AKR1A1: variants seen among roughly 807,000 people sequenced by gnomAD.
AKR1A1 encodes the protein HEL-S-165mP.
A neutral mutation model predicts 39.2 loss-of-function variants in AKR1A1; 26 were observed. That is an observed-to-expected ratio of 0.66 (90% CI 0.49 to 0.92). The LOEUF is 0.92. Ranked by LOEUF, AKR1A1 falls within the 40% of genes least tolerant of loss-of-function variation. The pLI, the probability that AKR1A1 is intolerant of heterozygous loss-of-function variation, is 0.00. For synonymous variants in AKR1A1, 141 were observed against 155.5 expected, an observed-to-expected ratio of 0.91 and a Z score of 0.69; for missense variants, 378 against 406.5, an observed-to-expected ratio of 0.93 and a Z score of 0.60.
chr1:45,568,461 G>T (rs1644373838), intron 5 of AKR1A1, 24 bp from the exon 6 acceptor site: 2 of 1,612,800 alleles, frequency 1.2e-6, no homozygotes, highest in Non-Finnish European at 1.7e-6. Context: ...CCACTTCATG[G>T]TGATGGGTTA....
Position 45,565,767 on chromosome 1 carries a change from G to T in AKR1A1, c.85-802G>T, listed in dbSNP as rs143682608. Among the ~76,000 whole-genome samples the T allele has an allele frequency of 1.7e-4, 26 of 151,666 alleles. 1 individual carries two copies. Among genetic ancestry groups the T allele is most frequent in the Admixed American group, 1.3e-3 (20 of 15,260 alleles). On this transcript the variant is annotated intron_variant, in intron 2 of 8. Transcript: ENST00000351829. ...TGGGATTATAGGCGTGAGCCACCAC[G>T]CCTGGCCTTAATTTTTTTTTTTTTT...
intron 1 of AKR1A1, among the ~76,000 whole-genome samples, chr1:45,560,725 CTTT>C (rs565611681): frequency 1.4e-4 from 16 of 114,316 alleles, no homozygotes; most frequent in Admixed American, 1.9e-4. Context: ...CTCTGCAGTT[CTTT>C]TTTTTTTTTT....
intron 4 of AKR1A1, chr1:45,567,263 C>A: frequency 2.1e-6 from 1 of 480,858 alleles, no homozygotes; most frequent in Non-Finnish European, 3.7e-6. Flanking sequence ...CACCTGTAAC[C>A]CTCCTGCTCC....
intron 5 of AKR1A1, 146 bp downstream of exon 5, chr1:45,568,323 CA>C (rs1644372368): frequency 1.6e-6 from 2 of 1,252,914 alleles, no homozygotes; most frequent in Admixed American, 2.2e-5. Flanking sequence ...GGCATTGAAG[CA>C]GTGGGAGAGA....
At chr1:45,554,572 C>T (rs1644176039) in intron 1 of AKR1A1, among the ~76,000 whole-genome samples, 1 of 152,126 alleles carries the variant, frequency 6.6e-6, no homozygotes, top group African/African-American at 2.4e-5. Context: ...GAGTGAGACC[C>T]TGTCTCAAAA....
At chr1:45,558,774 G>A (rs989865154) in intron 1 of AKR1A1, among the ~76,000 whole-genome samples, 1 of 152,060 alleles carries the variant, frequency 6.6e-6, no homozygotes, top group Non-Finnish European at 1.5e-5. Flanking sequence ...CAGGTGATCC[G>A]TCGCATCGGC....
intron 1 of AKR1A1, among the ~76,000 whole-genome samples, chr1:45,558,279 A>G (rs1644233458): frequency 6.6e-6 from 1 of 151,626 alleles, no homozygotes; most frequent in Admixed American, 6.6e-5. Flanking sequence ...CCCAGACTGG[A>G]GTGCAGTGGC....
intron 2 of AKR1A1, among the ~76,000 whole-genome samples, chr1:45,562,329 A>C (rs1014729735): frequency 6.7e-6 from 1 of 150,074 alleles, no homozygotes; most frequent in Non-Finnish European, 1.5e-5. Context: ...AAGGTCAGCA[A>C]ATTTTTTTTT....
At chr1:45,561,617 T>C (rs1644278400) in intron 1 of AKR1A1, among the ~76,000 whole-genome samples, 172 bp from the exon 2 acceptor site, 1 of 152,142 alleles carries the variant, frequency 6.6e-6, no homozygotes. Flanking sequence ...TTGACCCAAC[T>C]GGTCTTGAAC....
intron 5 of AKR1A1, 126 bp downstream of exon 5, chr1:45,568,303 C>T: frequency 7.8e-6 from 10 of 1,289,504 alleles, no homozygotes; most frequent in Non-Finnish European, 1.1e-5. Flanking sequence ...AAGTCCTCTG[C>T]ATAAAGGTGG....
chr1:45,567,565 C>A (rs548967998), intron 4 of AKR1A1: 5 of 159,488 alleles, frequency 3.1e-5, no homozygotes, highest in Non-Finnish European at 5.5e-5. Context: ...CGGTGGCTCA[C>A]GCCTGTAATC....
At chr1:45,561,526 C>G (rs1482435968) in intron 1 of AKR1A1, among the ~76,000 whole-genome samples, 2 of 152,110 alleles carry the variant, frequency 1.3e-5, no homozygotes, top group African/African-American at 4.8e-5. Flanking sequence ...GCCTCAGCCC[C>G]CCGAGCAGCT....
chr1:45,565,462 TTTG>T (rs886476757), intron 2 of AKR1A1, among the ~76,000 whole-genome samples: 13 of 150,462 alleles, frequency 8.6e-5, no homozygotes, highest in African/African-American at 2.0e-4. Context: ...TTTTCAATTT[TTTG>T]TTGTTATTTT....
intron 1 of AKR1A1, among the ~76,000 whole-genome samples, chr1:45,553,559 A>G (rs1042748668): frequency 3.3e-5 from 5 of 152,220 alleles, no homozygotes; most frequent in African/African-American, 7.2e-5. Flanking sequence ...CATTATTGCA[A>G]TCTTAGGTCT....
In AKR1A1 at chr1:45,568,466, G is replaced by GGGTT; in HGVS notation, c.553-18_553-15dup. ...CTGGGTGTCACCACTTCATGGTGAT[G>GGGTT]GGTTATTCTTTGGCTCAGGTGGAAT... is the stretch of plus-strand genomic sequence containing the variant. On this transcript the variant is annotated intron_variant, in intron 5 of 8. Coordinates refer to ENST00000351829, the MANE Select transcript of AKR1A1 (RefSeq NM_153326.3). 6.2e-7 allele frequency: 1 copy of GGGTT among 1,613,134 alleles called. No homozygotes were observed. The highest frequency in any genetic ancestry group is 8.5e-7 in the Non-Finnish European group (1 of 1,179,868).
chr1:45,561,166 T>G (rs1272091448), intron 1 of AKR1A1, among the ~76,000 whole-genome samples: 2 of 152,192 alleles, frequency 1.3e-5, no homozygotes, highest in African/African-American at 4.8e-5. Flanking sequence ...TGAGACCTTA[T>G]TTAGTCAAGA....
chr1:45,562,400 G>A (rs1028669153), intron 2 of AKR1A1, among the ~76,000 whole-genome samples: 3 of 150,102 alleles, frequency 2.0e-5, no homozygotes, highest in Non-Finnish European at 4.4e-5. Context: ...GGAGTGCAGT[G>A]GCACAATCTT....
chr1:45,568,539 C>T lies in AKR1A1; in HGVS notation c.607C>T (p.Arg203Cys), dbSNP rs375160193. 44 of 1,613,848 alleles carry T rather than the reference C, an allele frequency of 2.7e-5. No individual in the cohort carries two copies. The highest frequency in any genetic ancestry group is 1.1e-4 in the African/African-American group (8 of 74,912). ...QNELIAHCQA[R>C]GLEVTAYSPL... Reference sequence around the variant, plus strand: ...TGAGCTAATTGCCCACTGCCAAGCACGTGGCCTGGAGGTAACTGCTTATAG... The same window carrying T: ...TGAGCTAATTGCCCACTGCCAAGCATGTGGCCTGGAGGTAACTGCTTATAG... Residue 203 changes from arginine to cysteine, a missense_variant, in exon 6 of 9, where the codon CGT becomes TGT. Coordinates refer to ENST00000351829, the MANE Select transcript of AKR1A1 (RefSeq NM_153326.3).
At chr1:45,556,422 A>C (rs1287595450) in intron 1 of AKR1A1, among the ~76,000 whole-genome samples, 2 of 152,076 alleles carry the variant, frequency 1.3e-5, no homozygotes, top group African/African-American at 4.8e-5. Flanking sequence ...TCTACTAAAA[A>C]TACAAAAAAT....
Sources: allele counts gnomAD v4.1 joint callset (sites outside exome capture counted in the v4.1 genomes callset), GRCh38; gene constraint gnomAD v4.1.1; transcripts MANE v1.5; gene names NCBI Gene and HGNC (gene_info 2026-07-23, HGNC 2026-07-21).